MEAF6: variants seen among roughly 807,000 people sequenced by gnomAD.
MEAF6 encodes chromatin modification-related protein MEAF6.
A neutral mutation model predicts 28.9 loss-of-function variants in MEAF6; 15 were observed. The ratio of observed to expected loss-of-function variants is 0.52; its 90% CI spans 0.35 to 0.80. The LOEUF is 0.80. Ranked by LOEUF, MEAF6 falls within the 30% of genes least tolerant of loss-of-function variation. The pLI, the probability that MEAF6 is intolerant of heterozygous loss-of-function variation, is 0.01. For synonymous variants in MEAF6, 97 were observed against 88.7 expected (o/e 1.09, Z -0.53); for missense variants, 178 against 237.5 (o/e 0.75, Z 1.65).
intron 4 of MEAF6, among the ~76,000 whole-genome samples, chr1:37,503,866 G>A (rs2148075109): frequency 6.6e-6 from 1 of 152,204 alleles, no homozygotes; most frequent in Non-Finnish European, 1.5e-5. Flanking sequence ...GGCTGAGGCA[G>A]GGAGAATTGC....
chr1:37,493,805 G>A lies in MEAF6; in HGVS notation c.*294C>T, dbSNP rs369091863. 6.4e-7 allele frequency: 1 copy of A among 1,550,820 alleles called. No homozygotes were observed. Among genetic ancestry groups the A allele is most frequent in the African/African-American group, 1.4e-5 (1 of 73,142 alleles). On this transcript the variant is annotated 3_prime_UTR_variant, in exon 7 of 7. Transcript: ENST00000296214. ...GCTGGTGCCAGCCAGTTTTGGGGGA[G>A]ACATTCATTCTAAGAAGGGAGAAAC...
intron 5 of MEAF6, among the ~76,000 whole-genome samples, chr1:37,499,949 G>A (rs754897306): frequency 1.3e-5 from 2 of 152,104 alleles, no homozygotes; most frequent in Admixed American, 6.6e-5. Flanking sequence ...AAAAGTCCCC[G>A]AAACTTTCAA....
intron 1 of MEAF6, 100 bp downstream of exon 1, chr1:37,514,556 GC>G: frequency 1.2e-6 from 1 of 857,082 alleles, no homozygotes. Context: ...GCCGCGCCGC[GC>G]CCCCGGAGTA....
At chr1:37,495,384 T>G (rs895793337) in intron 6 of MEAF6, among the ~76,000 whole-genome samples, 1 of 140,258 alleles carries the variant, frequency 7.1e-6, no homozygotes, top group African/African-American at 2.6e-5. Flanking sequence ...AAATAAAGTA[T>G]GTGACCTCTT....
In MEAF6 at chr1:37,513,956, C is replaced by A. The variant is rs541990409; in HGVS notation, c.91-418G>T. The A allele has an allele frequency of 3.9e-5, 8 of 207,738 alleles. 1 individual carries two copies. In the South Asian group the frequency reaches 1.2e-3, roughly 30 times the overall value. 12.9% of individuals were successfully genotyped at this position (207,738 alleles called of 1,614,324 possible). ...TCCCCGCAGGCTCAAGAGAGGCCGCCGACACCGGGCTGCCAGTTGCTATGG... is the reference window on the plus strand; with the variant it reads ...TCCCCGCAGGCTCAAGAGAGGCCGCAGACACCGGGCTGCCAGTTGCTATGG... On this transcript the variant is annotated intron_variant, in intron 1 of 6. Coordinates refer to ENST00000296214, the MANE Select transcript of MEAF6 (RefSeq NM_001270875.3).
rs770139067 is a variant in MEAF6, at chr1:37,501,855, G to A, written c.482C>T (p.Ser161Leu). The change falls in exon 5 of 7, where the codon TCA (serine) becomes TTA (leucine). Residue 161 changes from serine to leucine, a missense_variant. Physicochemically the swap from Ser to Leu is moderately radical, Grantham distance 145. This residue lies in a region of MEAF6 where 124 missense variants were observed against 200.5 expected (regional missense o/e 0.62). Transcript: ENST00000296214. ...TTTATGGCTGCTGTGGTGACTCCCT[G>A]AGGAAGTAGAAGAAGCAGCCTTCTG... The part of the protein sequence containing the change: ...KPQKAASSTS[S>L]GSHHSSHKKR... 6 of 1,606,966 alleles carry A rather than the reference G, an allele frequency of 3.7e-6. No homozygotes were observed. The highest frequency in any genetic ancestry group is 1.1e-5 in the South Asian group (1 of 90,484).
chr1:37,499,646 A>G (rs1642233033), intron 5 of MEAF6, among the ~76,000 whole-genome samples: 1 of 152,218 alleles, frequency 6.6e-6, no homozygotes, highest in African/African-American at 2.4e-5. Flanking sequence ...GGAAGACAAA[A>G]GGACAGCAAT....
intron 1 of MEAF6, chr1:37,514,200 A>C: frequency 6.3e-6 from 1 of 159,702 alleles, no homozygotes; most frequent in Non-Finnish European, 1.4e-5. Context: ...CAACGGATCT[A>C]CTCCCAGTAC....
intron 4 of MEAF6, among the ~76,000 whole-genome samples, chr1:37,506,968 T>A (rs1246116743): frequency 1.3e-5 from 2 of 152,156 alleles, no homozygotes; most frequent in African/African-American, 4.8e-5. Flanking sequence ...GGTAGACAGG[T>A]AAACAGCCAT....
At position 37,493,309 on chromosome 1, in the gene MEAF6, A is replaced by G. The variant is rs1642000555; in HGVS notation, c.*790T>C. On this transcript the variant is annotated 3_prime_UTR_variant, in exon 7 of 7. Transcript: ENST00000296214. ...CTCGGGTTTAAAAGTAAAGCATGAGAATTTGAAGCCTGTGAAATTTTATTT... is the reference window on the plus strand; with the variant it reads ...CTCGGGTTTAAAAGTAAAGCATGAGGATTTGAAGCCTGTGAAATTTTATTT... 6.4e-6 allele frequency: 1 copy of G among 155,662 alleles called. No individual in the cohort carries two copies. The allele number at this position is 155,662 out of a possible 1,614,324, so 9.6% of individuals were successfully genotyped here.
At chr1:37,513,716 C>A (rs1642740343) in intron 1 of MEAF6, 178 bp from the exon 2 acceptor site, 6 of 609,358 alleles carry the variant, frequency 9.8e-6, no homozygotes, top group South Asian at 9.8e-5. Flanking sequence ...CAGTCTAGAC[C>A]TTTGGGGGTG....
chr1:37,504,508 T>C (rs970824006), intron 4 of MEAF6, among the ~76,000 whole-genome samples: 3 of 152,068 alleles, frequency 2.0e-5, no homozygotes, highest in African/African-American at 7.2e-5. Context: ...CAGTGGCTCA[T>C]GTCTGTAATC....
At chr1:37,513,921 C>T (rs1042591395) in intron 1 of MEAF6, 4 of 248,344 alleles carry the variant, frequency 1.6e-5, no homozygotes, top group Middle Eastern at 1.3e-3. Context: ...TCAGCGTCAA[C>T]TCGCTCCCCT....
intron 4 of MEAF6, among the ~76,000 whole-genome samples, chr1:37,505,524 G>C (rs1349922753): frequency 6.6e-6 from 1 of 152,186 alleles, no homozygotes; most frequent in African/African-American, 2.4e-5. Flanking sequence ...TATAGTGTTA[G>C]TATATTTTAT....
chr1:37,510,715 TA>T (rs1364117380), intron 2 of MEAF6, among the ~76,000 whole-genome samples: 1 of 150,864 alleles, frequency 6.6e-6, no homozygotes, highest in Non-Finnish European at 1.5e-5. Context: ...TATTTTACCT[TA>T]TTTACTTATT....
intron 2 of MEAF6, among the ~76,000 whole-genome samples, 180 bp downstream of exon 2, chr1:37,513,243 T>TG (rs1447775169): frequency 6.6e-6 from 1 of 152,188 alleles, no homozygotes; most frequent in Non-Finnish European, 1.5e-5. Context: ...ATTTTACAGA[T>TG]GTGAGCCTTG....
chr1:37,509,408 T>TC (rs1361081211), intron 3 of MEAF6, 47 bp downstream of exon 3: 1 of 1,608,884 alleles, frequency 6.2e-7, no homozygotes, highest in Non-Finnish European at 8.5e-7. Context: ...AAAAACACAT[T>TC]CCCCAACAAC....
Position 37,514,447 on chromosome 1 carries a change from C to T in MEAF6, c.90+210G>A, listed in dbSNP as rs977774122. ...CGCTTCCCCTCCCCCTCCCGCGCTC[C>T]CGGCTCTCTCCCGGCTCCGGATTCG... On this transcript the variant is annotated intron_variant, in intron 1 of 6. Coordinates refer to ENST00000296214, the MANE Select transcript of MEAF6 (RefSeq NM_001270875.3). 64 of 343,630 alleles carry T rather than the reference C, an allele frequency of 1.9e-4. 1 individual carries two copies. The highest frequency in any genetic ancestry group is 4.5e-4 in the Admixed American group (9 of 19,994). The allele number at this position is 343,630 out of a possible 1,614,324, so 21.3% of individuals were successfully genotyped here.
intron 2 of MEAF6, 60 bp from the exon 3 acceptor site, chr1:37,509,602 A>G (rs1642598083): frequency 6.9e-7 from 1 of 1,452,400 alleles, no homozygotes; most frequent in Non-Finnish European, 9.6e-7. Flanking sequence ...CAAGCTGGGG[A>G]TGCCCCAGGA....
Sources: allele counts gnomAD v4.1 joint callset (sites outside exome capture counted in the v4.1 genomes callset), GRCh38; gene constraint gnomAD v4.1.1; regional missense constraint gnomAD v4.1.1; transcripts MANE v1.5; gene names NCBI Gene and HGNC (gene_info 2026-07-23, HGNC 2026-07-21).